LIMD1: variants seen among roughly 807,000 people sequenced by gnomAD.
The protein encoded by LIMD1 is LIM domain containing 1.
A neutral mutation model predicts 58.4 loss-of-function variants in LIMD1; 23 were observed. That is an observed-to-expected ratio of 0.39 (90% CI 0.28 to 0.56). LIMD1 has a LOEUF of 0.56. Among genes scored for constraint, LIMD1 ranks in the 20% least tolerant of loss-of-function variants. The pLI is 0.57. For missense variants in LIMD1, 838 were observed against 855.5 expected (o/e 0.98, Z 0.25); for synonymous variants, 334 against 345.5 (o/e 0.97, Z 0.37).
At position 45,672,724 on chromosome 3, in the gene LIMD1, G is replaced by A. The variant is rs985929547; in HGVS notation, c.1676G>A (p.Gly559Asp). The A allele has an allele frequency of 1.2e-5, 19 of 1,613,820 alleles. No individual in the cohort carries two copies. Among genetic ancestry groups the A allele is most frequent in the Non-Finnish European group, 1.6e-5 (19 of 1,179,916 alleles). Residue 559 changes from glycine (G) to aspartate (D), a missense_variant, in exon 5 of 8, where the codon GGC (glycine) becomes GAC (aspartate). This residue lies in a region of LIMD1 where 174 missense variants were observed against 197.4 expected (regional missense o/e 0.88). Coordinates refer to ENST00000273317, the MANE Select transcript of LIMD1 (RefSeq NM_014240.3). ...LQALGKSYHP[G>D]CFRCVICNEC... ...GCCCTGGGGAAGTCCTACCACCCCGGCTGTTTCCGCTGTGTCATCTGTAAT... is the reference window on the plus strand; with the variant it reads ...GCCCTGGGGAAGTCCTACCACCCCGACTGTTTCCGCTGTGTCATCTGTAAT...
intron 6 of LIMD1, 97 bp downstream of exon 6, chr3:45,673,602 T>A: frequency 1.9e-6 from 2 of 1,044,866 alleles, no homozygotes; most frequent in Non-Finnish European, 3.0e-6. Flanking sequence ...TTACAGCTTT[T>A]AAGGTATCCT....
At chr3:45,601,110 TA>T (rs1701407863) in intron 1 of LIMD1, among the ~76,000 whole-genome samples, 2 of 152,144 alleles carry the variant, frequency 1.3e-5, no homozygotes, top group Non-Finnish European at 2.9e-5. Flanking sequence ...CCACTTGTCA[TA>T]GGCTGGGTTT....
At chr3:45,649,629 C>T (rs575903158) in intron 2 of LIMD1, among the ~76,000 whole-genome samples, 5 of 147,164 alleles carry the variant, frequency 3.4e-5, no homozygotes, top group African/African-American at 7.5e-5. Flanking sequence ...TGCAGTGAGC[C>T]GAGATTGCAC....
In LIMD1 at chr3:45,680,570, C is replaced by T. The variant is rs1018479287; in HGVS notation, c.*3511C>T. Reference sequence around the variant, plus strand: ...GGCTCAAGTGATCTGCCCACTTCCGCCTCCCAAAGTGTTGGGATTATGGCC... The same window carrying T: ...GGCTCAAGTGATCTGCCCACTTCCGTCTCCCAAAGTGTTGGGATTATGGCC... On this transcript the variant is annotated 3_prime_UTR_variant, in exon 8 of 8. Transcript: ENST00000273317. 2.6e-5 allele frequency: 4 copies of T among 152,198 alleles called. No homozygotes were observed. 9.4% of individuals were successfully genotyped at this position (152,198 alleles called of 1,614,324 possible).
rs141333599 is a variant in LIMD1, at chr3:45,629,741, C to T, written c.1409-6409C>T. Among the ~76,000 whole-genome samples, 51 of 152,230 alleles carry T rather than the reference C, an allele frequency of 3.4e-4. No homozygotes were observed. In the East Asian group the frequency reaches 6.4e-3, roughly 19 times the overall value. On this transcript the variant is annotated intron_variant, in intron 1 of 7. Coordinates refer to ENST00000273317, the MANE Select transcript of LIMD1 (RefSeq NM_014240.3). ...AGGATGCCAGGAGCACACCGACAGA[C>T]GCCACCACACTGGCAGGCCATCAGC...
intron 2 of LIMD1, among the ~76,000 whole-genome samples, chr3:45,656,543 G>C (rs1226251726): frequency 6.6e-6 from 1 of 150,776 alleles, no homozygotes; most frequent in East Asian, 1.9e-4. Context: ...TTTTGAGACG[G>C]AGTCTCACTC....
intron 4 of LIMD1, among the ~76,000 whole-genome samples, chr3:45,671,221 A>G (rs1333124071): frequency 6.6e-6 from 1 of 152,256 alleles, no homozygotes; most frequent in Non-Finnish European, 1.5e-5. Context: ...AAAGCTGAGC[A>G]TTCAGAGGAA....
At chr3:45,644,032 G>A (rs1427996258) in intron 2 of LIMD1, among the ~76,000 whole-genome samples, 2 of 152,178 alleles carry the variant, frequency 1.3e-5, no homozygotes, top group African/African-American at 4.8e-5. Context: ...ACTGCGAATG[G>A]GATTTATAGT....
At chr3:45,668,261 T>C in intron 3 of LIMD1, 33 bp from the exon 4 acceptor site, 1 of 1,579,988 alleles carries the variant, frequency 6.3e-7, no homozygotes, top group Non-Finnish European at 8.7e-7. Context: ...CTTACCAGTC[T>C]GGGTTTAACT....
intron 2 of LIMD1, among the ~76,000 whole-genome samples, chr3:45,665,062 A>C (rs1338166148): frequency 2.6e-5 from 4 of 152,074 alleles, no homozygotes; most frequent in African/African-American, 9.7e-5. Flanking sequence ...AGTTCCATCC[A>C]AGGAATCAGG....
intron 2 of LIMD1, among the ~76,000 whole-genome samples, chr3:45,660,185 C>T (rs1697411057): frequency 6.6e-6 from 1 of 152,136 alleles, no homozygotes; most frequent in Non-Finnish European, 1.5e-5. Context: ...GGAAGTCCTG[C>T]GCCGTTTCCT....
intron 2 of LIMD1, among the ~76,000 whole-genome samples, chr3:45,658,535 CTTTTTTTTTTTTTTTTTTT>C (rs10572210): frequency 6.7e-5 from 3 of 44,738 alleles, no homozygotes; most frequent in Non-Finnish European, 1.4e-4. Context: ...CATGCAGATT[CTTTTTTTTTTTTTTTTTTT>C]TTTTTTTTTT....
Position 45,681,680 on chromosome 3 carries a change from C to T in LIMD1, c.*4621C>T, listed in dbSNP as rs1697746739. 6.6e-6 allele frequency: 1 copy of T among 152,218 alleles called. No individual in the cohort carries two copies. Among genetic ancestry groups the T allele is most frequent in the African/African-American group, 2.4e-5 (1 of 41,448 alleles). 9.4% of individuals were successfully genotyped at this position (152,218 alleles called of 1,614,324 possible). On this transcript the variant is annotated 3_prime_UTR_variant, in exon 8 of 8. Coordinates refer to ENST00000273317, the MANE Select transcript of LIMD1 (RefSeq NM_014240.3). ...GCCTGACTTTTGCTCCAGAGACAGACACTATCTCTGTCATCCAAGACTGTT... is the reference window on the plus strand; with the variant it reads ...GCCTGACTTTTGCTCCAGAGACAGATACTATCTCTGTCATCCAAGACTGTT...
chr3:45,641,644 A>G (rs369123463), intron 2 of LIMD1, among the ~76,000 whole-genome samples: 314 of 152,180 alleles, frequency 2.1e-3, no homozygotes, highest in African/African-American at 7.0e-3. Flanking sequence ...GCTCACACAC[A>G]TTTACAGGGC....
At chr3:45,605,077 G>A (rs897757173) in intron 1 of LIMD1, among the ~76,000 whole-genome samples, 6 of 152,228 alleles carry the variant, frequency 3.9e-5, no homozygotes, top group African/African-American at 1.4e-4. Flanking sequence ...GGTCTTCTGG[G>A]CCTGATACCA....
intron 2 of LIMD1, among the ~76,000 whole-genome samples, chr3:45,644,631 T>C (rs1430769076): frequency 6.6e-6 from 1 of 152,216 alleles, no homozygotes; most frequent in African/African-American, 2.4e-5. Context: ...AGTTTGTGGT[T>C]GGTTTCGTCA....
chr3:45,619,670 G>A (rs1206026354), intron 1 of LIMD1, among the ~76,000 whole-genome samples: 1 of 151,984 alleles, frequency 6.6e-6, no homozygotes, highest in African/African-American at 2.4e-5. Flanking sequence ...GTGGTGATGG[G>A]CACCTGTAAT....
chr3:45,653,918 A>AG (rs1482808545), intron 2 of LIMD1, among the ~76,000 whole-genome samples: 1 of 145,812 alleles, frequency 6.9e-6, no homozygotes, highest in Non-Finnish European at 1.5e-5. Context: ...AAAAAAAAAA[A>AG]AAAAAAAAGA....
chr3:45,596,212 G>C lies in LIMD1; in HGVS notation c.1333G>C (p.Ala445Pro), dbSNP rs761493815. The change falls in exon 1 of 8, where the codon GCT becomes CCT. Residue 445 changes from alanine (A) to proline (P), a missense_variant. Physicochemically the swap from Ala to Pro is conservative, Grantham distance 27. Transcript: ENST00000273317. ...AGGTCCTGAGCTGAGACCCTCTGCT[G>C]CTGAGTTGAAATTAGAAGCCCTCAC... ...VPGPELRPSA[A>P]ELKLEALTQR... 6.2e-7 allele frequency: 1 copy of C among 1,613,532 alleles called. No individual in the cohort carries two copies. Among genetic ancestry groups the C allele is most frequent in the Non-Finnish European group, 8.5e-7 (1 of 1,179,814 alleles).
Sources: gnomAD v4.1 joint callset for allele counts (sites outside exome capture counted in the v4.1 genomes callset) on GRCh38, gnomAD v4.1.1 for gene constraint, gnomAD v4.1.1 regional missense constraint, MANE v1.5 for transcripts, NCBI Gene and HGNC (gene_info 2026-07-23, HGNC 2026-07-21) for gene names.